ADGRL2: variants seen among roughly 807,000 people sequenced by gnomAD.
ADGRL2 encodes the protein adhesion G protein-coupled receptor L2, also known as calcium-independent alpha-latrotoxin receptor 2.
A neutral mutation model predicts 157.4 loss-of-function variants in ADGRL2; 44 were observed. That is an observed-to-expected ratio of 0.28 (90% CI 0.22 to 0.36). The LOEUF is 0.36. ADGRL2 is among the 10% of genes least tolerant of loss of function. ADGRL2 has a pLI of 1.00. For synonymous variants in ADGRL2, 585 were observed against 624.7 expected, an observed-to-expected ratio of 0.94 and a Z score of 0.95; for missense variants, 1,510 against 1,768.9, an observed-to-expected ratio of 0.85 and a Z score of 2.63.
At chr1:81,518,757 G>A (rs572504451) in intron 2 of ADGRL2, among the ~76,000 whole-genome samples, 6 of 148,930 alleles carry the variant, frequency 4.0e-5, no homozygotes, top group African/African-American at 1.5e-4. Context: ...GAGATCGTGC[G>A]ACTGCACTCC....
chr1:81,904,862 C>G (rs967149019), intron 2 of ADGRL2, among the ~76,000 whole-genome samples: 22 of 151,980 alleles, frequency 1.4e-4, no homozygotes, highest in Admixed American at 1.3e-3. Flanking sequence ...AGCCAAGACT[C>G]TGTCTCGGGG....
At chr1:81,602,964 C>T (rs570994819) in intron 3 of ADGRL2, among the ~76,000 whole-genome samples, 1 of 151,274 alleles carries the variant, frequency 6.6e-6, no homozygotes, top group Admixed American at 6.6e-5. Flanking sequence ...GCAGTAACCA[C>T]TGGTGGTAAG....
At chr1:81,830,738 C>A (rs2091889323) in intron 1 of ADGRL2, among the ~76,000 whole-genome samples, 1 of 152,090 alleles carries the variant, frequency 6.6e-6, no homozygotes, top group South Asian at 2.1e-4. Flanking sequence ...AACTCCTGAC[C>A]TCAGGTGATC....
At chr1:81,980,359 A>G (rs1285115747) in intron 18 of ADGRL2, among the ~76,000 whole-genome samples, 2 of 151,694 alleles carry the variant, frequency 1.3e-5, no homozygotes, top group Non-Finnish European at 3.0e-5. Context: ...AAGAGAATTT[A>G]CTCTATTACT....
chr1:81,689,063 GTGCCTGTTC>G (rs1327785992), intron 3 of ADGRL2, among the ~76,000 whole-genome samples: 1 of 152,142 alleles, frequency 6.6e-6, no homozygotes, highest in Non-Finnish European at 1.5e-5. Flanking sequence ...GTGTCCACCA[GTGCCTGTTC>G]TGGTGGACGT....
At chr1:81,733,005 T>C (rs888411082) in intron 1 of ADGRL2, among the ~76,000 whole-genome samples, 12 of 152,346 alleles carry the variant, frequency 7.9e-5, no homozygotes, top group African/African-American at 2.9e-4. Context: ...TTCACTATGA[T>C]GATCTGAGAT....
chr1:81,525,911 C>T (rs2148203772), intron 2 of ADGRL2, among the ~76,000 whole-genome samples: 1 of 152,270 alleles, frequency 6.6e-6, no homozygotes, highest in Non-Finnish European at 1.5e-5. Context: ...GACAGTGAAG[C>T]TGATGAAAGA....
chr1:81,860,731 T>G (rs910422500), intron 2 of ADGRL2, among the ~76,000 whole-genome samples: 1 of 152,192 alleles, frequency 6.6e-6, no homozygotes. Flanking sequence ...TCTTAAAAAT[T>G]AAGAAATTAT....
chr1:81,624,213 G>C (rs149249539), intron 3 of ADGRL2, among the ~76,000 whole-genome samples: 1 of 152,170 alleles, frequency 6.6e-6, no homozygotes, highest in African/African-American at 2.4e-5. Context: ...TGCCCAGTTT[G>C]TGGTATTTAT....
At chr1:81,745,346 A>G (rs1207236176) in intron 1 of ADGRL2, among the ~76,000 whole-genome samples, 1 of 152,206 alleles carries the variant, frequency 6.6e-6, no homozygotes, top group Non-Finnish European at 1.5e-5. Flanking sequence ...TTGAGCATCA[A>G]CTTCCTCAAT....
chr1:81,563,273 G>A (rs1482808024), intron 2 of ADGRL2, among the ~76,000 whole-genome samples: 1 of 152,094 alleles, frequency 6.6e-6, no homozygotes, highest in East Asian at 1.9e-4. Flanking sequence ...GATTATTTTT[G>A]TGTCTTGTAA....
chr1:81,710,421 C>G (rs1472972274), intron 1 of ADGRL2, among the ~76,000 whole-genome samples: 1 of 151,876 alleles, frequency 6.6e-6, no homozygotes, highest in East Asian at 1.9e-4. Context: ...GAGTTCGAGA[C>G]CAGCCTGGCC....
chr1:81,311,254 G>A (rs1659734536), intron 1 of ADGRL2, among the ~76,000 whole-genome samples: 1 of 152,140 alleles, frequency 6.6e-6, no homozygotes, highest in Admixed American at 6.5e-5. Context: ...TACTGTTGTT[G>A]TTGTTTTATG....
intron 2 of ADGRL2, among the ~76,000 whole-genome samples, chr1:81,544,074 T>A (rs2079954826): frequency 6.6e-6 from 1 of 152,144 alleles, no homozygotes; most frequent in Non-Finnish European, 1.5e-5. Context: ...TGCTAACCTC[T>A]ACCCGAACCC....
chr1:81,425,116 TGAGA>T (rs758034574), intron 1 of ADGRL2, among the ~76,000 whole-genome samples: 1 of 152,108 alleles, frequency 6.6e-6, no homozygotes, highest in Non-Finnish European at 1.5e-5. Flanking sequence ...CATAAAAGAA[TGAGA>T]GAGAGACATA....
intron 2 of ADGRL2, among the ~76,000 whole-genome samples, chr1:81,790,746 A>G (rs1337380043): frequency 6.6e-6 from 1 of 152,194 alleles, no homozygotes; most frequent in Non-Finnish European, 1.5e-5. Flanking sequence ...AAAGCTTCTG[A>G]GAATAAGTGA....
chr1:81,426,766 T>C (rs2077224904), intron 1 of ADGRL2: 3 of 460,036 alleles, frequency 6.5e-6, no homozygotes, highest in South Asian at 5.2e-5. Flanking sequence ...TGGGTGTCTA[T>C]TGGAACCAAA....
At chr1:81,723,669 T>C (rs907264628) in intron 1 of ADGRL2, among the ~76,000 whole-genome samples, 1 of 152,210 alleles carries the variant, frequency 6.6e-6, no homozygotes, top group African/African-American at 2.4e-5. Flanking sequence ...TTTCTTTAAA[T>C]ATTTATTTCA....
At chr1:81,531,896 G>A (rs1544069) in intron 2 of ADGRL2, among the ~76,000 whole-genome samples, 114,236 of 152,028 alleles carry the variant, frequency 0.75, 43,460 homozygotes, top group East Asian at 0.9. Context: ...TTTAGACACC[G>A]TAAAACCTGG....
Sources: allele counts gnomAD v4.1 joint callset (sites outside exome capture counted in the v4.1 genomes callset), GRCh38; gene constraint gnomAD v4.1.1; transcripts MANE v1.5; gene names NCBI Gene and HGNC (gene_info 2026-07-23, HGNC 2026-07-21).